The following ABI3BP variants were observed in gnomAD, a reference collection of about 807,000 sequenced individuals.
ABI3BP encodes target of Nesh-SH3.
A neutral mutation model predicts 268.6 loss-of-function variants in ABI3BP; 216 were observed. The ratio of observed to expected loss-of-function variants is 0.80; its 90% CI spans 0.72 to 0.90. ABI3BP has a LOEUF of 0.90. ABI3BP is among the 40% of genes least tolerant of loss of function. ABI3BP has a pLI of 0.00. For synonymous variants in ABI3BP, 730 were observed against 730.0 expected (o/e 1.00, Z 0.00); for missense variants, 2,090 against 2,182.4 (o/e 0.96, Z 0.84).
chr3:100,826,655 A>T (rs1467593589), intron 34 of ABI3BP, among the ~76,000 whole-genome samples: 1 of 152,218 alleles, frequency 6.6e-6, no homozygotes, highest in Non-Finnish European at 1.5e-5. Context: ...TGGTCATCAC[A>T]CAAATAACTA....
chr3:100,851,877 G>T lies in ABI3BP; in HGVS notation c.1349C>A (p.Thr450Lys), dbSNP rs1293425968. The T allele has an allele frequency of 1.9e-6, 3 of 1,592,104 alleles. No individual in the cohort carries two copies. Among genetic ancestry groups the T allele is most frequent in the Middle Eastern group, 1.7e-4 (1 of 6,034 alleles). ...SDEPEISDSY[T>K]ATSDRILDSI... ...CAGAATTGAGAGGCCAGATATACCT[G>T]TGTAGGAATCTGATATCTCAGGCTC... Residue 450 changes from threonine (T) to lysine (K), a missense_variant and splice_region_variant, in exon 15 of 68, where the codon ACA becomes AAA. Physicochemically the swap from Thr to Lys is moderately conservative, Grantham distance 78 (BLOSUM62 -1). Transcript: ENST00000471714.
intron 44 of ABI3BP, among the ~76,000 whole-genome samples, chr3:100,814,876 A>G (rs2097975863): frequency 6.6e-6 from 1 of 152,138 alleles, no homozygotes; most frequent in Non-Finnish European, 1.5e-5. Flanking sequence ...TAGCCACTGG[A>G]TAGATCTCCC....
chr3:100,867,938 A>G (rs2099070823), intron 9 of ABI3BP, among the ~76,000 whole-genome samples: 1 of 152,220 alleles, frequency 6.6e-6, no homozygotes, highest in Non-Finnish European at 1.5e-5. Flanking sequence ...TTTCAAAGAA[A>G]GTAACATTTC....
chr3:100,838,555 A>G, intron 24 of ABI3BP, 91 bp from the exon 25 acceptor site: 2 of 1,058,668 alleles, frequency 1.9e-6, no homozygotes, highest in Non-Finnish European at 2.8e-6. Context: ...ACACTATATA[A>G]ATTCAACGAA....
chr3:100,924,011 A>G (rs2061074235), intron 2 of ABI3BP, among the ~76,000 whole-genome samples: 2 of 152,110 alleles, frequency 1.3e-5, no homozygotes, highest in South Asian at 2.1e-4. Flanking sequence ...AAAGTACTAC[A>G]TTCCCCCTTC....
rs531993681 is a variant in ABI3BP at position 100,750,375 on chromosome 3, TATTA to T, written c.*116_*119del. The T allele has an allele frequency of 1.9e-3, 1,219 of 644,756 alleles. 11 individuals are homozygous for T. The African/African-American group carries it at 0.021, about 11-fold the overall frequency. The allele number at this position is 644,756 out of a possible 1,614,324, so 39.9% of individuals were successfully genotyped here. A position where few individuals can be genotyped will look rare whatever the true frequency, so the allele number is the denominator to read the frequency against. On this transcript the variant is annotated 3_prime_UTR_variant, in exon 68 of 68. Coordinates refer to ENST00000471714, the MANE Select transcript of ABI3BP (RefSeq NM_001375547.2). Reference sequence around the variant, plus strand: ...TCTAATAATAAACATCTAGTATTGCTATTAATTAGATTGTAGACTTTTATACATA... The same window carrying T: ...TCTAATAATAAACATCTAGTATTGCTATTAGATTGTAGACTTTTATACATA...
chr3:100,823,508 G>A lies in ABI3BP; in HGVS notation c.2753C>T (p.Ala918Val). Residue 918 changes from alanine to valine, a missense_variant, in exon 37 of 68, where the codon GCT (alanine) becomes GTT (valine). Coordinates refer to ENST00000471714, the MANE Select transcript of ABI3BP (RefSeq NM_001375547.2). The stretch of plus-strand genomic sequence containing the variant: ...AAGAGTGACAGGTTCTAGGACTGTA[G>A]CAGGAACTGACCAAAACAACATGTA... ...PQAPETKPVPATVLEPVTLRP... is the reference protein window; with the variant it reads ...PQAPETKPVPVTVLEPVTLRP... 1.3e-6 allele frequency: 2 copies of A among 1,532,992 alleles called. No individual in the cohort carries two copies. The highest frequency in any genetic ancestry group is 1.7e-6 in the Non-Finnish European group (2 of 1,145,314). 95.0% of individuals were successfully genotyped at this position (1,532,992 alleles called of 1,614,324 possible). A position where few individuals can be genotyped will look rare whatever the true frequency, so the allele number is the denominator to read the frequency against.
intron 1 of ABI3BP, among the ~76,000 whole-genome samples, chr3:100,963,624 T>C (rs1344330404): frequency 2.0e-5 from 3 of 152,230 alleles, no homozygotes; most frequent in Non-Finnish European, 4.4e-5. Context: ...ATAATTTCGA[T>C]GTAGTTGACC....
At position 100,993,340 on chromosome 3, in the gene ABI3BP, T is replaced by A. The variant is rs1160704440; in HGVS notation, c.45A>T (p.Thr15=). The A allele has an allele frequency of 6.4e-7, 1 of 1,553,214 alleles. No individual in the cohort carries two copies. The highest frequency in any genetic ancestry group is 1.9e-5 in the Admixed American group (1 of 51,358). ...LGCLLLCGSI[T]LALGNAQKLP... is the part of the protein sequence containing the mutation. Reference sequence around the variant, plus strand: ...ATTTCTGTGCATTTCCCAGGGCTAGTGTAATACTTCCACAGAGAAGTAGAC... The same window carrying A: ...ATTTCTGTGCATTTCCCAGGGCTAGAGTAATACTTCCACAGAGAAGTAGAC... Residue 15 remains threonine (T), a synonymous_variant, in exon 1 of 68, where the codon ACA becomes ACT. Coordinates refer to ENST00000471714, the MANE Select transcript of ABI3BP (RefSeq NM_001375547.2).
intron 1 of ABI3BP, among the ~76,000 whole-genome samples, chr3:100,982,831 G>T (rs1264891271): frequency 6.6e-6 from 1 of 152,070 alleles, no homozygotes; most frequent in Admixed American, 6.6e-5. Flanking sequence ...TAAACTAACT[G>T]GCCAGAGTGT....
At chr3:100,977,628 A>G (rs1308650634) in intron 1 of ABI3BP, among the ~76,000 whole-genome samples, 2 of 152,228 alleles carry the variant, frequency 1.3e-5, no homozygotes, top group Non-Finnish European at 2.9e-5. Context: ...GAAAATGAAC[A>G]AGGTGTAAAC....
chr3:100,754,626 A>T lies in ABI3BP; in HGVS notation c.4916T>A (p.Phe1639Tyr). 6.3e-7 allele frequency: 1 copy of T among 1,586,738 alleles called. No individual in the cohort carries two copies. The highest frequency in any genetic ancestry group is 1.2e-5 in the South Asian group (1 of 86,564). Residue 1639 changes from phenylalanine (F) to tyrosine (Y), a missense_variant, in exon 64 of 68, where the codon TTC becomes TAC. By Grantham distance (22) the Phe-to-Tyr change is conservative (BLOSUM62 3). Coordinates refer to ENST00000471714, the MANE Select transcript of ABI3BP (RefSeq NM_001375547.2). The stretch of plus-strand genomic sequence containing the variant: ...GATGTAATTACCTGATTCAGTACTG[A>T]ATGCCACTGTGTTGCTGACCGGGCC... ...GEGPVSNTVAFSTESADPRVS... is the reference protein window; with the variant it reads ...GEGPVSNTVAYSTESADPRVS...
chr3:100,763,956 A>G (rs1433416001), intron 63 of ABI3BP, among the ~76,000 whole-genome samples: 4 of 152,140 alleles, frequency 2.6e-5, no homozygotes, highest in Non-Finnish European at 5.9e-5. Context: ...CATCCTCCCA[A>G]TTACCACCCT....
At chr3:100,805,303 G>A (rs1474665257) in intron 50 of ABI3BP, among the ~76,000 whole-genome samples, 1 of 152,028 alleles carries the variant, frequency 6.6e-6, no homozygotes, top group Non-Finnish European at 1.5e-5. Context: ...TATGCTTGAA[G>A]TCCTCTTGGG....
chr3:100,844,524 G>A, intron 20 of ABI3BP: 2 of 902,978 alleles, frequency 2.2e-6, no homozygotes, highest in Non-Finnish European at 2.6e-6. Context: ...GTGCGGAGAG[G>A]GCTGGGAAAG....
chr3:100,792,641 T>G, intron 55 of ABI3BP, 50 bp downstream of exon 55: 1 of 1,566,994 alleles, frequency 6.4e-7, no homozygotes, highest in Non-Finnish European at 8.8e-7. Flanking sequence ...CTTTCCTGAT[T>G]AAAAGCAAAT....
intron 6 of ABI3BP, among the ~76,000 whole-genome samples, chr3:100,881,609 A>G (rs1331905885): frequency 6.6e-6 from 1 of 152,070 alleles, no homozygotes; most frequent in Non-Finnish European, 1.5e-5. Context: ...TTTTTAAAAT[A>G]ATAAAACCTA....
chr3:100,812,425 A>G, intron 46 of ABI3BP, 42 bp downstream of exon 46: 1 of 1,249,632 alleles, frequency 8.0e-7, no homozygotes, highest in Non-Finnish European at 1.0e-6. Context: ...AATGAGATGG[A>G]AAAGCACATA....
Position 100,828,377 on chromosome 3 carries a change from CA to C in ABI3BP, c.2602+15del. On this transcript the variant is annotated intron_variant, in intron 34 of 67. Transcript: ENST00000471714. ...AGCAGAAAAAGCACTTGCTGAAGATCAAAAAGTGGCATTACCGAATGTTGTC... is the reference window on the plus strand; with the variant it reads ...AGCAGAAAAAGCACTTGCTGAAGATCAAAAGTGGCATTACCGAATGTTGTC... 6.5e-7 allele frequency: 1 copy of C among 1,528,452 alleles called. No individual in the cohort carries two copies. Among genetic ancestry groups the C allele is most frequent in the South Asian group, 1.2e-5 (1 of 83,712 alleles). The allele number at this position is 1,528,452 out of a possible 1,614,324, so 94.7% of individuals were successfully genotyped here.
Sources: gnomAD v4.1 joint callset for allele counts (sites outside exome capture counted in the v4.1 genomes callset) on GRCh38, gnomAD v4.1.1 for gene constraint, MANE v1.5 for transcripts, NCBI Gene and HGNC (gene_info 2026-07-23, HGNC 2026-07-21) for gene names.